The following FRY variants were observed in gnomAD, a reference collection of about 807,000 sequenced individuals.
The protein encoded by FRY is FRY microtubule binding protein.
FRY carries 128 observed loss-of-function variants against 348.4 expected under a neutral mutation model. The observed-to-expected ratio is 0.37, with a 90% CI of 0.32 to 0.43. The LOEUF (loss-of-function observed/expected upper bound fraction) is 0.43, where lower values mean the gene tolerates loss of function less well. Ranked by LOEUF, FRY falls within the 20% of genes least tolerant of loss-of-function variation. The pLI, the probability that FRY is intolerant of heterozygous loss-of-function variation, is 1.00. For missense variants in FRY, 2,736 were observed against 3,695.2 expected (o/e 0.74, Z 6.73); for synonymous variants, 1,370 against 1,374.7 (o/e 1.00, Z 0.08).
chr13:32,248,383 G>A (rs755782373), intron 48 of FRY, among the ~76,000 whole-genome samples: 26 of 152,122 alleles, frequency 1.7e-4, no homozygotes, highest in East Asian at 5.8e-4. Context: ...GGCCTATCAC[G>A]GGGTGGGGAA....
At chr13:32,048,610 C>T (rs939572439) in intron 1 of FRY, among the ~76,000 whole-genome samples, 2 of 152,112 alleles carry the variant, frequency 1.3e-5, no homozygotes, top group African/African-American at 4.8e-5. Flanking sequence ...ATTAATGTTA[C>T]AAGGATTTAA....
intron 2 of FRY, chr13:32,085,924 G>A (rs1319311672): frequency 5.8e-6 from 3 of 518,990 alleles, no homozygotes; most frequent in Non-Finnish European, 1.2e-5. Flanking sequence ...TTTGGGAGAT[G>A]ACAGAGGCAA....
At chr13:32,277,671 GGTTT>G (rs1294906626) in intron 57 of FRY, among the ~76,000 whole-genome samples, 1 of 152,196 alleles carries the variant, frequency 6.6e-6, no homozygotes, top group Non-Finnish European at 1.5e-5. Context: ...TATGGTTTGG[GGTTT>G]GTTTATTGCT....
chr13:32,160,567 T>C (rs958373774), intron 16 of FRY, among the ~76,000 whole-genome samples: 1 of 152,324 alleles, frequency 6.6e-6, no homozygotes, highest in African/African-American at 2.4e-5. Context: ...GAAATCTCCA[T>C]AGAGGTGAGG....
Position 32,234,581 on chromosome 13 carries a change from T to C in FRY, c.5535T>C (p.His1845=). 6.2e-7 allele frequency: 1 copy of C among 1,613,744 alleles called. No individual in the cohort carries two copies. The highest frequency in any genetic ancestry group is 8.5e-7 in the Non-Finnish European group (1 of 1,179,754). Residue 1845 remains histidine (H), a synonymous_variant, in exon 42 of 61, where the codon CAT becomes CAC. Transcript: ENST00000542859. ...TGGCTCTTGTTACCCTAGGCTTCCA[T>C]CTGGAGCACCAGTTGAGTGAAGTTG... is the stretch of plus-strand genomic sequence containing the variant. ...SVFKDSKSGF[H]LEHQLSEVAL...
At chr13:32,070,808 T>A (rs1337520921) in intron 1 of FRY, among the ~76,000 whole-genome samples, 1 of 152,200 alleles carries the variant, frequency 6.6e-6, no homozygotes, top group Non-Finnish European at 1.5e-5. Context: ...CTGAATGGTA[T>A]TGCCTAGGTT....
At chr13:32,292,659 G>C (rs1889431918) in intron 59 of FRY, among the ~76,000 whole-genome samples, 1 of 151,982 alleles carries the variant, frequency 6.6e-6, no homozygotes, top group Non-Finnish European at 1.5e-5. Flanking sequence ...AGGCATGGTA[G>C]CCCGTGCCCG....
chr13:32,165,229 A>G (rs1881666846), intron 17 of FRY, among the ~76,000 whole-genome samples: 1 of 152,226 alleles, frequency 6.6e-6, no homozygotes, highest in African/African-American at 2.4e-5. Flanking sequence ...AACTTCTAAG[A>G]TAATGCATAC....
At chr13:32,079,886 A>T (rs1224802318) in intron 2 of FRY, among the ~76,000 whole-genome samples, 1 of 152,234 alleles carries the variant, frequency 6.6e-6, no homozygotes, top group East Asian at 1.9e-4. Flanking sequence ...CTGGGGCAAT[A>T]AGAAGATAAT....
chr13:32,052,084 G>C (rs1431447082), intron 1 of FRY, among the ~76,000 whole-genome samples: 9 of 152,186 alleles, frequency 5.9e-5, no homozygotes, highest in Admixed American at 5.9e-4. Flanking sequence ...AAACTCCAGA[G>C]ATGGAAAAGC....
rs142317885 is a variant in FRY, at chr13:32,122,639, C to T, written c.465-1647C>T. Among the ~76,000 whole-genome samples, 1,029 of 152,206 alleles carry T rather than the reference C, an allele frequency of 6.8e-3. 6 individuals carry two copies. The highest frequency in any genetic ancestry group is 0.017 in the Middle Eastern group (5 of 294). Reference sequence around the variant, plus strand: ...TGAGAACTGGAACAAGACAAGGATACCTACTGTCAGCACTCTTCTTTAACA... The same window carrying T: ...TGAGAACTGGAACAAGACAAGGATATCTACTGTCAGCACTCTTCTTTAACA... On this transcript the variant is annotated intron_variant, in intron 4 of 60. Coordinates refer to ENST00000542859, the MANE Select transcript of FRY (RefSeq NM_023037.3).
intron 59 of FRY, among the ~76,000 whole-genome samples, chr13:32,290,349 C>G (rs374761585): frequency 6.6e-6 from 1 of 152,048 alleles, no homozygotes; most frequent in Non-Finnish European, 1.5e-5. Context: ...AGAGGACTAA[C>G]GGCTCATTTG....
At position 32,145,596 on chromosome 13, in the gene FRY, C is replaced by G. The variant is rs1231334392; in HGVS notation, c.1180-1686C>G. Among the ~76,000 whole-genome samples, 259 of 142,278 alleles carry G rather than the reference C, an allele frequency of 1.8e-3. 1 individual carries two copies. Among genetic ancestry groups the G allele is most frequent in the African/African-American group, 6.4e-3 (240 of 37,308 alleles). The allele number at this position is 142,278 out of a possible 152,430, so 93.3% of individuals were successfully genotyped here. A position where few individuals can be genotyped will look rare whatever the true frequency, so the allele number is the denominator to read the frequency against. On this transcript the variant is annotated intron_variant, in intron 11 of 60. Transcript: ENST00000542859. ...TCTGTCGCCCAGGCCGGACTGCGGA[C>G]TGCAGTGGTGCAATCTCGGCTCACT... is the stretch of plus-strand genomic sequence containing the variant.
intron 1 of FRY, among the ~76,000 whole-genome samples, chr13:32,059,116 A>G (rs1024501189): frequency 3.9e-5 from 6 of 151,986 alleles, no homozygotes; most frequent in African/African-American, 1.4e-4. Flanking sequence ...TTCCTTTTCT[A>G]CCTTTTTTTC....
intron 11 of FRY, among the ~76,000 whole-genome samples, chr13:32,143,617 T>C (rs185282645): frequency 3.3e-5 from 5 of 152,294 alleles, no homozygotes; most frequent in East Asian, 1.9e-4. Context: ...CTCATCATGA[T>C]ACACAATGAG....
At chr13:32,119,352 T>C (rs1878507374) in intron 4 of FRY, among the ~76,000 whole-genome samples, 1 of 152,214 alleles carries the variant, frequency 6.6e-6, no homozygotes, top group South Asian at 2.1e-4. Flanking sequence ...AGTATCAGCA[T>C]TTGGACTGCC....
chr13:32,111,330 A>T (rs1262465158), intron 3 of FRY, among the ~76,000 whole-genome samples: 2 of 151,954 alleles, frequency 1.3e-5, no homozygotes, highest in Admixed American at 1.3e-4. Context: ...TCTACTAAAA[A>T]TACCAAAAAA....
At chr13:32,074,932 C>T (rs1212159254) in intron 1 of FRY, among the ~76,000 whole-genome samples, 1 of 152,114 alleles carries the variant, frequency 6.6e-6, no homozygotes, top group Non-Finnish European at 1.5e-5. Flanking sequence ...TGACCTGGAC[C>T]CTGAAAGGTA....
At chr13:32,063,507 A>G (rs377436469) in intron 1 of FRY, among the ~76,000 whole-genome samples, 7 of 152,194 alleles carry the variant, frequency 4.6e-5, no homozygotes, top group African/African-American at 1.4e-4. Context: ...ACACACATAC[A>G]TATCTGTAGA....
Sources: allele counts gnomAD v4.1 joint callset (sites outside exome capture counted in the v4.1 genomes callset), GRCh38; gene constraint gnomAD v4.1.1; transcripts MANE v1.5; gene names NCBI Gene and HGNC (gene_info 2026-07-23, HGNC 2026-07-21).